R3HDM1: variants seen among roughly 807,000 people sequenced by gnomAD.
R3HDM1 encodes R3H domain-containing protein 1.
Under a neutral mutation model 141.1 loss-of-function variants are expected in R3HDM1, and 46 were observed. The ratio of observed to expected loss-of-function variants is 0.33; its 90% CI spans 0.26 to 0.42. R3HDM1 has a LOEUF of 0.42. Ranked by LOEUF, R3HDM1 falls within the 10% of genes least tolerant of loss-of-function variation. The probability of loss-of-function intolerance (pLI) is 1.00; values close to 1 mark genes in which losing one functional copy is unlikely to be tolerated. For synonymous variants in R3HDM1, 435 were observed against 472.9 expected (o/e 0.92, Z 1.04); for missense variants, 1,184 against 1,368.3 (o/e 0.87, Z 2.12).
At chr2:135,688,685 C>G (rs1293848484) in intron 21 of R3HDM1, among the ~76,000 whole-genome samples, 1 of 152,056 alleles carries the variant, frequency 6.6e-6, no homozygotes, top group African/African-American at 2.4e-5. Flanking sequence ...GGCTGTGATC[C>G]CAGCACTTTG....
intron 18 of R3HDM1, 116 bp downstream of exon 18, chr2:135,652,148 C>G: frequency 1.4e-6 from 2 of 1,405,224 alleles, no homozygotes; most frequent in Non-Finnish European, 1.9e-6. Context: ...AGTATATAAA[C>G]AAAGCATATA....
chr2:135,592,180 A>G (rs1709431822), intron 1 of R3HDM1, among the ~76,000 whole-genome samples: 1 of 152,252 alleles, frequency 6.6e-6, no homozygotes, highest in Non-Finnish European at 1.5e-5. Flanking sequence ...CCATCTTAAC[A>G]TAAACTATAT....
intron 1 of R3HDM1, among the ~76,000 whole-genome samples, chr2:135,570,671 G>A (rs1195842639): frequency 1.3e-5 from 2 of 152,302 alleles, no homozygotes; most frequent in South Asian, 2.1e-4. Context: ...GTAGAAATGA[G>A]CACAAGAAGA....
intron 1 of R3HDM1, among the ~76,000 whole-genome samples, chr2:135,582,284 T>C (rs1396036531): frequency 6.6e-6 from 1 of 152,156 alleles, no homozygotes; most frequent in Non-Finnish European, 1.5e-5. Context: ...TGAGCCGAGA[T>C]TGCACCATTG....
At chr2:135,584,955 A>G (rs1470887305) in intron 1 of R3HDM1, among the ~76,000 whole-genome samples, 1 of 152,234 alleles carries the variant, frequency 6.6e-6, no homozygotes, top group Non-Finnish European at 1.5e-5. Flanking sequence ...TGAGAAAAAA[A>G]TCATTTATAC....
chr2:135,558,410 A>T (rs1417771926), intron 1 of R3HDM1, among the ~76,000 whole-genome samples: 2 of 152,166 alleles, frequency 1.3e-5, no homozygotes, highest in Non-Finnish European at 2.9e-5. Context: ...TTAATTTAAG[A>T]TATTGGGGAG....
chr2:135,566,430 A>G (rs1039266177), intron 1 of R3HDM1, among the ~76,000 whole-genome samples: 14 of 152,206 alleles, frequency 9.2e-5, no homozygotes, highest in Admixed American at 6.5e-4. Flanking sequence ...AGATCTCACA[A>G]GGCATCGTTT....
chr2:135,661,994 GATTTTCTTCAAGCATTC>G (rs1173587455), intron 19 of R3HDM1, among the ~76,000 whole-genome samples: 1 of 152,174 alleles, frequency 6.6e-6, no homozygotes, highest in Non-Finnish European at 1.5e-5. Flanking sequence ...GCACTTTGCA[GATTTTCTTCAAGCATTC>G]AGTGAAAACA....
intron 1 of R3HDM1, among the ~76,000 whole-genome samples, chr2:135,545,893 T>C (rs1235885243): frequency 6.6e-6 from 1 of 152,230 alleles, no homozygotes. Context: ...AAATCTTAGC[T>C]ATTAGAATGT....
chr2:135,603,388 G>A (rs557896027), intron 2 of R3HDM1, among the ~76,000 whole-genome samples: 1 of 151,860 alleles, frequency 6.6e-6, no homozygotes, highest in South Asian at 2.1e-4. Flanking sequence ...TTTCCCCCCC[G>A]CCACAAGATT....
At chr2:135,594,809 C>A (rs1176457433) in intron 1 of R3HDM1, among the ~76,000 whole-genome samples, 4 of 152,122 alleles carry the variant, frequency 2.6e-5, no homozygotes, top group Non-Finnish European at 5.9e-5. Context: ...TCTAGCCTCT[C>A]CCCATCTTTC....
chr2:135,675,498 C>G lies in R3HDM1; in HGVS notation c.2307+12C>G. 6.3e-7 allele frequency: 1 copy of G among 1,599,090 alleles called. No individual in the cohort carries two copies. The highest frequency in any genetic ancestry group is 8.6e-7 in the Non-Finnish European group (1 of 1,169,126). On this transcript the variant is annotated intron_variant, in intron 20 of 26. Transcript: ENST00000683871. ...TGCCAACATATCAGGTATATTGTCT[C>G]TTTTATGTACTTTGGGTAGAGATGA...
chr2:135,683,595 GA>G (rs1050398124), intron 21 of R3HDM1, among the ~76,000 whole-genome samples: 1 of 150,136 alleles, frequency 6.7e-6, no homozygotes, highest in Non-Finnish European at 1.5e-5. Flanking sequence ...CTCTTTGGGT[GA>G]AAAAAAATTC....
chr2:135,543,878 T>C (rs1414535983), intron 1 of R3HDM1, among the ~76,000 whole-genome samples: 1 of 152,190 alleles, frequency 6.6e-6, no homozygotes, highest in East Asian at 1.9e-4. Flanking sequence ...TTTGAAAGGA[T>C]CTTGGTGACC....
intron 1 of R3HDM1, chr2:135,597,338 T>C: frequency 1.1e-6 from 1 of 913,636 alleles, no homozygotes; most frequent in Non-Finnish European, 1.3e-6. Flanking sequence ...GGTTATTTGG[T>C]AAATTTTTGT....
At position 135,661,456 on chromosome 2, in the gene R3HDM1, G is replaced by A. The variant is rs1431959745; in HGVS notation, c.2152+63G>A. 2.6e-6 allele frequency: 4 copies of A among 1,567,760 alleles called. No individual in the cohort carries two copies. The African/African-American group carries it at 5.4e-5, about 21-fold the overall frequency. On this transcript the variant is annotated intron_variant, in intron 19 of 26. Coordinates refer to ENST00000683871, the MANE Select transcript of R3HDM1 (RefSeq NM_001378107.1). ...ACTTTTTTCCATCTTCTATTTCAGT[G>A]TTGCTCTTAAGATAGTACCTACTCA... is the stretch of plus-strand genomic sequence containing the variant.
intron 18 of R3HDM1, among the ~76,000 whole-genome samples, chr2:135,656,859 C>T (rs1231443533): frequency 1.3e-5 from 2 of 150,266 alleles, no homozygotes; most frequent in African/African-American, 4.9e-5. Flanking sequence ...TTTGGGAGGC[C>T]GAGGCACGCA....
intron 3 of R3HDM1, among the ~76,000 whole-genome samples, chr2:135,606,904 AT>A (rs549103038): frequency 1.9e-4 from 19 of 99,554 alleles, no homozygotes; most frequent in South Asian, 3.3e-4. Flanking sequence ...GTATAGCTTC[AT>A]TTTTTTTTTC....
chr2:135,676,720 A>C (rs1179517725), intron 20 of R3HDM1, among the ~76,000 whole-genome samples: 1 of 152,232 alleles, frequency 6.6e-6, no homozygotes, highest in Non-Finnish European at 1.5e-5. Context: ...CTGAGGCAGG[A>C]GAATCACTTG....
Sources: gnomAD v4.1 joint callset for allele counts (sites outside exome capture counted in the v4.1 genomes callset) on GRCh38, gnomAD v4.1.1 for gene constraint, MANE v1.5 for transcripts, NCBI Gene and HGNC (gene_info 2026-07-23, HGNC 2026-07-21) for gene names.